The following TRHDE variants were observed in gnomAD, a reference collection of about 807,000 sequenced individuals.
The protein encoded by TRHDE is thyrotropin-releasing hormone-degrading ectoenzyme.
Under a neutral mutation model 125.7 loss-of-function variants are expected in TRHDE, and 72 were observed. The ratio of observed to expected loss-of-function variants is 0.57; its 90% CI spans 0.47 to 0.70. The LOEUF (loss-of-function observed/expected upper bound fraction) is 0.70. TRHDE is among the 30% of genes least tolerant of loss of function. The probability of loss-of-function intolerance (pLI) is 0.00; values close to 1 mark genes in which losing one functional copy is unlikely to be tolerated. For missense variants in TRHDE, 1,110 were observed against 1,327.1 expected, an observed-to-expected ratio of 0.84 and a Z score of 2.54; for synonymous variants, 509 against 509.1, an observed-to-expected ratio of 1.00 and a Z score of 0.00.
At chr12:72,276,695 A>G (rs1879499061) in intron 1 of TRHDE, among the ~76,000 whole-genome samples, 2 of 152,194 alleles carry the variant, frequency 1.3e-5, no homozygotes, top group African/African-American at 4.8e-5. Flanking sequence ...TTGAAGCCCA[A>G]GTTTTCCCAA....
At chr12:72,473,241 C>G in intron 5 of TRHDE, 61 bp downstream of exon 5, 1 of 1,279,758 alleles carries the variant, frequency 7.8e-7, no homozygotes, top group Non-Finnish European at 1.1e-6. Flanking sequence ...TTACATTAGG[C>G]TTATACCATC....
intron 2 of TRHDE, among the ~76,000 whole-genome samples, chr12:72,311,592 A>T (rs774363204): frequency 2.0e-5 from 3 of 152,204 alleles, no homozygotes; most frequent in Non-Finnish European, 4.4e-5. Flanking sequence ...CTTTAATGGG[A>T]TACTAACTAA....
At chr12:72,455,338 T>C (rs974690461) in intron 3 of TRHDE, among the ~76,000 whole-genome samples, 1 of 152,170 alleles carries the variant, frequency 6.6e-6, no homozygotes, top group African/African-American at 2.4e-5. Context: ...CAACTGGTTA[T>C]TTGGTACAAA....
In TRHDE at chr12:72,470,984, C is replaced by T. The variant is rs565061698; in HGVS notation, c.1470+1072C>T. Among the ~76,000 whole-genome samples, 3 of 139,458 alleles carry T rather than the reference C, an allele frequency of 2.2e-5. No individual in the cohort carries two copies. The Admixed American group carries it at 2.5e-4, about 11-fold the overall frequency. 91.5% of individuals were successfully genotyped at this position (139,458 alleles called of 152,430 possible). ...CTTCGCCTCCCAGGTTCAAGTGATT[C>T]TCCTGCCTCAGCTTCCCAAGTATCT... On this transcript the variant is annotated intron_variant, in intron 4 of 18. Transcript: ENST00000261180.
intron 18 of TRHDE, among the ~76,000 whole-genome samples, chr12:72,660,317 G>A (rs1022093530): frequency 3.9e-5 from 6 of 152,196 alleles, no homozygotes; most frequent in African/African-American, 1.4e-4. Context: ...AGCACCACAG[G>A]GAGGGGTTTA....
rs754499807 is a variant in TRHDE, at chr12:72,665,874, T to C, written c.*2679T>C. 6.6e-6 allele frequency: 1 copy of C among 152,042 alleles called. No homozygotes were observed. The highest frequency in any genetic ancestry group is 1.5e-5 in the Non-Finnish European group (1 of 67,980). 9.4% of individuals were successfully genotyped at this position (152,042 alleles called of 1,614,324 possible). ...CATTTTTACACATTTTTTCTTAAAA[T>C]TTTTCTATAATCTTTGAAGTTTCTA... On this transcript the variant is annotated 3_prime_UTR_variant, in exon 19 of 19. Coordinates refer to ENST00000261180, the MANE Select transcript of TRHDE (RefSeq NM_013381.3).
At chr12:72,423,057 C>A (rs1874026826) in intron 3 of TRHDE, among the ~76,000 whole-genome samples, 2 of 152,190 alleles carry the variant, frequency 1.3e-5, no homozygotes, top group African/African-American at 4.8e-5. Flanking sequence ...GTCCTATCCT[C>A]ATTTCCAAAC....
At chr12:72,108,287 G>C (rs1350105873) in intron 2 of TRHDE, among the ~76,000 whole-genome samples, 4 of 152,080 alleles carry the variant, frequency 2.6e-5, no homozygotes, top group African/African-American at 9.7e-5. Flanking sequence ...GCTGAATTTT[G>C]TTGTTGTGGT....
chr12:72,590,618 T>C (rs1325580553), intron 12 of TRHDE, among the ~76,000 whole-genome samples: 2 of 152,186 alleles, frequency 1.3e-5, no homozygotes, highest in Non-Finnish European at 2.9e-5. Context: ...AAATTTATTT[T>C]ATCTGCTATT....
At chr12:72,312,170 C>T (rs546817835) in intron 2 of TRHDE, among the ~76,000 whole-genome samples, 17 of 152,230 alleles carry the variant, frequency 1.1e-4, no homozygotes, top group African/African-American at 3.1e-4. Flanking sequence ...AAATCAGGAC[C>T]GCCCTCAAAG....
At chr12:72,166,695 C>A (rs761598271) in intron 2 of TRHDE, among the ~76,000 whole-genome samples, 3 of 152,076 alleles carry the variant, frequency 2.0e-5, no homozygotes, top group Non-Finnish European at 4.4e-5. Context: ...TTCATATGAC[C>A]TGAGAAAGAA....
At chr12:72,169,402 G>T (rs1876821207) in intron 2 of TRHDE, among the ~76,000 whole-genome samples, 1 of 152,084 alleles carries the variant, frequency 6.6e-6, no homozygotes, top group Non-Finnish European at 1.5e-5. Context: ...TAAACAACAG[G>T]AATTTATTTT....
chr12:72,220,066 A>G (rs528936328), intron 2 of TRHDE, among the ~76,000 whole-genome samples: 1 of 152,288 alleles, frequency 6.6e-6, no homozygotes, highest in South Asian at 2.1e-4. Context: ...CTTTTGAAGG[A>G]GTACTGCATA....
chr12:72,433,720 T>G (rs577201412), intron 3 of TRHDE, among the ~76,000 whole-genome samples: 31 of 151,960 alleles, frequency 2.0e-4, no homozygotes, highest in African/African-American at 7.5e-4. Flanking sequence ...TATTTGGAAG[T>G]TGGTCAAAGA....
intron 2 of TRHDE, among the ~76,000 whole-genome samples, chr12:72,206,736 T>TA (rs1422498821): frequency 1.3e-5 from 2 of 152,010 alleles, no homozygotes; most frequent in Admixed American, 6.6e-5. Context: ...ATGAAAATTT[T>TA]AAAAAAGAAA....
chr12:72,302,558 T>A (rs1250803449), intron 2 of TRHDE, among the ~76,000 whole-genome samples: 1 of 152,052 alleles, frequency 6.6e-6, no homozygotes, highest in Non-Finnish European at 1.5e-5. Context: ...GATGAGGAAA[T>A]GGAGGCTGAG....
At chr12:72,658,258 A>C (rs575674074) in intron 18 of TRHDE, among the ~76,000 whole-genome samples, 1 of 152,336 alleles carries the variant, frequency 6.6e-6, no homozygotes, top group South Asian at 2.1e-4. Flanking sequence ...GAAAGAAAGA[A>C]CAAGTAAATT....
intron 15 of TRHDE, among the ~76,000 whole-genome samples, chr12:72,638,793 G>T (rs9705508): frequency 0.15 from 22,116 of 151,794 alleles, 2,194 homozygotes; most frequent in East Asian, 0.54. Flanking sequence ...TGAAATTCTG[G>T]GTTGAAAATT....
At chr12:72,594,698 T>C (rs1336505144) in intron 12 of TRHDE, among the ~76,000 whole-genome samples, 1 of 151,604 alleles carries the variant, frequency 6.6e-6, no homozygotes, top group Non-Finnish European at 1.5e-5. Context: ...TGAACTACTC[T>C]AATGTGGCAA....
Sources: gnomAD v4.1 joint callset for allele counts (sites outside exome capture counted in the v4.1 genomes callset) on GRCh38, gnomAD v4.1.1 for gene constraint, MANE v1.5 for transcripts, NCBI Gene and HGNC (gene_info 2026-07-23, HGNC 2026-07-21) for gene names.